SPIN1: variants seen among roughly 807,000 people sequenced by gnomAD.
SPIN1 encodes spindlin 1.
A neutral mutation model predicts 26.0 loss-of-function variants in SPIN1; 3 were observed. The ratio of observed to expected loss-of-function variants is 0.12; its 90% CI spans 0.05 to 0.30. SPIN1 has a LOEUF of 0.30. SPIN1 is among the 10% of genes least tolerant of loss of function. SPIN1 has a pLI of 1.00. For synonymous variants in SPIN1, 101 were observed against 116.5 expected (o/e 0.87, Z 0.86); for missense variants, 126 against 333.4 (o/e 0.38, Z 4.84).
chr9:88,472,799 TTTA>T (rs1194151296), intron 5 of SPIN1, among the ~76,000 whole-genome samples: 2 of 152,234 alleles, frequency 1.3e-5, no homozygotes, highest in Admixed American at 1.3e-4. Flanking sequence ...CCACATTTCT[TTTA>T]TTAAATTTAC....
chr9:88,403,813 C>T (rs1310701150), intron 1 of SPIN1, among the ~76,000 whole-genome samples: 1 of 152,164 alleles, frequency 6.6e-6, no homozygotes, highest in Non-Finnish European at 1.5e-5. Flanking sequence ...AATGTTGCTG[C>T]AGTGTTTTCC....
At chr9:88,444,905 A>G (rs1332495930) in intron 2 of SPIN1, among the ~76,000 whole-genome samples, 7 of 151,900 alleles carry the variant, frequency 4.6e-5, no homozygotes, top group African/African-American at 1.4e-4. Flanking sequence ...GTTATTAGCC[A>G]GGATGGTCTC....
chr9:88,422,697 G>T (rs1237724709), intron 1 of SPIN1, among the ~76,000 whole-genome samples: 1 of 150,654 alleles, frequency 6.6e-6, no homozygotes, highest in Admixed American at 6.6e-5. Context: ...CTCAACATGA[G>T]GGAAGGACTC....
At chr9:88,442,312 A>G (rs569459506) in intron 2 of SPIN1, among the ~76,000 whole-genome samples, 4 of 151,478 alleles carry the variant, frequency 2.6e-5, no homozygotes, top group East Asian at 1.9e-4. Context: ...TCCCTCTACT[A>G]TCTTCCTTTT....
chr9:88,409,509 G>C (rs1332001729), intron 1 of SPIN1, among the ~76,000 whole-genome samples: 1 of 151,792 alleles, frequency 6.6e-6, no homozygotes, highest in Non-Finnish European at 1.5e-5. Flanking sequence ...GAACACCGTG[G>C]TTCAGTTTTA....
intron 1 of SPIN1, among the ~76,000 whole-genome samples, chr9:88,420,827 C>T (rs866594332): frequency 6.6e-6 from 1 of 152,126 alleles, no homozygotes; most frequent in South Asian, 2.1e-4. Context: ...GACTCAGATC[C>T]CATTATCACA....
At chr9:88,449,056 A>C in intron 3 of SPIN1, 67 bp downstream of exon 3, 6 of 1,532,750 alleles carry the variant, frequency 3.9e-6, no homozygotes, top group Non-Finnish European at 5.4e-6. Context: ...ATACAAGATC[A>C]CCTAGGTAAG....
intron 2 of SPIN1, among the ~76,000 whole-genome samples, chr9:88,446,881 TGAA>T (rs769077936): frequency 6.6e-6 from 1 of 152,256 alleles, no homozygotes; most frequent in African/African-American, 2.4e-5. Context: ...AGAAATTTGA[TGAA>T]GAAGTGCCTT....
rs187598727 is a variant in SPIN1 at position 88,471,578 on chromosome 9, C to T, written c.589+2973C>T. On this transcript the variant is annotated intron_variant, in intron 5 of 5. Transcript: ENST00000375859. Reference sequence around the variant, plus strand: ...GCTGAGGCAGGAGAATCGCTTGAACCTGGGAAGTGGATGTTGCAGTGAGCC... The same window carrying T: ...GCTGAGGCAGGAGAATCGCTTGAACTTGGGAAGTGGATGTTGCAGTGAGCC... Among the ~76,000 whole-genome samples, 444 of 133,696 alleles carry T rather than the reference C, an allele frequency of 3.3e-3. 11 individuals carry two copies. Among genetic ancestry groups the T allele is most frequent in the East Asian group, 0.017 (73 of 4,248 alleles). 87.7% of individuals were successfully genotyped at this position (133,696 alleles called of 152,430 possible). A position where few individuals can be genotyped will look rare whatever the true frequency, so the allele number is the denominator to read the frequency against.
intron 1 of SPIN1, among the ~76,000 whole-genome samples, chr9:88,389,955 C>G (rs1441622994): frequency 6.7e-6 from 1 of 149,736 alleles, no homozygotes; most frequent in African/African-American, 2.4e-5. Flanking sequence ...AAAAGGCAAA[C>G]ACCAAAATAT....
At chr9:88,473,589 G>C (rs1330223192) in intron 5 of SPIN1, among the ~76,000 whole-genome samples, 1 of 151,970 alleles carries the variant, frequency 6.6e-6, no homozygotes, top group East Asian at 1.9e-4. Context: ...CTGCAATTCT[G>C]CATCGCTTTT....
At chr9:88,459,313 A>G (rs1302525792) in intron 3 of SPIN1, among the ~76,000 whole-genome samples, 3 of 151,600 alleles carry the variant, frequency 2.0e-5, no homozygotes, top group African/African-American at 4.8e-5. Context: ...TGGAAATGTA[A>G]TCTCCTTCAC....
intron 1 of SPIN1, among the ~76,000 whole-genome samples, chr9:88,405,785 CA>C (rs1827288862): frequency 6.6e-6 from 1 of 151,892 alleles, no homozygotes; most frequent in Non-Finnish European, 1.5e-5. Context: ...AGCATCACCA[CA>C]AAGACGGCTA....
Position 88,411,435 on chromosome 9 carries a change from G to T in SPIN1, c.-158-14947G>T, listed in dbSNP as rs146927349. 1.1e-3 allele frequency: 1,680 copies of T among 1,542,200 alleles called. 17 individuals carry two copies. The African/African-American group carries it at 0.02, about 19-fold the overall frequency. On this transcript the variant is annotated intron_variant, in intron 1 of 5. Coordinates refer to ENST00000375859, the MANE Select transcript of SPIN1 (RefSeq NM_006717.3). ...ATGAAGAGCTTCCTCAGCTGTTCGG[G>T]CTCTTTAGGAGACTTGTGACTTAGA...
intron 1 of SPIN1, among the ~76,000 whole-genome samples, chr9:88,407,447 T>C (rs1427349654): frequency 6.6e-6 from 1 of 151,744 alleles, no homozygotes; most frequent in Non-Finnish European, 1.5e-5. Flanking sequence ...CTCATCTTCC[T>C]TTTTGAAGGA....
At chr9:88,469,187 A>G (rs887775849) in intron 5 of SPIN1, among the ~76,000 whole-genome samples, 1 of 152,150 alleles carries the variant, frequency 6.6e-6, no homozygotes, top group Non-Finnish European at 1.5e-5. Flanking sequence ...TAGATTCTTC[A>G]CATGCGTAGT....
At chr9:88,392,585 C>CCT (rs986869173) in intron 1 of SPIN1, among the ~76,000 whole-genome samples, 3 of 151,958 alleles carry the variant, frequency 2.0e-5, no homozygotes, top group African/African-American at 7.2e-5. Context: ...CCTCTCCTCT[C>CCT]CTCTCTTCTC....
intron 1 of SPIN1, among the ~76,000 whole-genome samples, chr9:88,403,876 A>G (rs564012548): frequency 6.6e-6 from 1 of 152,106 alleles, no homozygotes; most frequent in Non-Finnish European, 1.5e-5. Context: ...TTTCAGTCTT[A>G]CTTATTTTTC....
At chr9:88,392,441 T>C (rs971465590) in intron 1 of SPIN1, among the ~76,000 whole-genome samples, 36 of 152,230 alleles carry the variant, frequency 2.4e-4, no homozygotes, top group African/African-American at 7.5e-4. Flanking sequence ...GAGAAGGTGA[T>C]TCCATAGATT....
Sources: gnomAD v4.1 joint callset for allele counts (sites outside exome capture counted in the v4.1 genomes callset) on GRCh38, gnomAD v4.1.1 for gene constraint, MANE v1.5 for transcripts, NCBI Gene and HGNC (gene_info 2026-07-23, HGNC 2026-07-21) for gene names.